Variants in XK observed in about 807,000 individuals in gnomAD.
The protein encoded by XK is X-linked Kx blood group antigen, Kell and VPS13A binding protein.
A neutral mutation model predicts 14.0 loss-of-function variants in XK; 2 were observed. The observed-to-expected ratio is 0.14, with a 90% CI of 0.06 to 0.45. The LOEUF (loss-of-function observed/expected upper bound fraction) is 0.45, where lower values mean the gene tolerates loss of function less well. XK is among the 20% of genes least tolerant of loss of function. The pLI, the probability that XK is intolerant of heterozygous loss-of-function variation, is 0.98. For synonymous variants in XK, 149 were observed against 147.5 expected (o/e 1.01, Z -0.08); for missense variants, 235 against 341.5 (o/e 0.69, Z 2.46).
chrX:37,694,254 C>G, intron 1 of XK, 32 bp from the exon 2 acceptor site: 8 of 1,209,338 alleles, frequency 6.6e-6, no homozygotes, highest in East Asian at 3.0e-5. Flanking sequence ...CTGTCTGTCT[C>G]TAATTATTAT....
intron 1 of XK, among the ~76,000 whole-genome samples, chrX:37,691,171 A>G (rs1927195165): frequency 8.9e-6 from 1 of 112,513 alleles, no homozygotes; most frequent in Non-Finnish European, 1.9e-5. Context: ...TACTTTGTCT[A>G]CAATTCTGCA....
At chrX:37,707,933 C>G (rs1253322150) in intron 2 of XK, among the ~76,000 whole-genome samples, 1 of 112,801 alleles carries the variant, frequency 8.9e-6, no homozygotes, top group South Asian at 3.6e-4. Flanking sequence ...ACTGAGTGAA[C>G]GAGACTCCGT....
intron 2 of XK, among the ~76,000 whole-genome samples, chrX:37,712,734 A>T (rs1441663417): frequency 8.9e-6 from 1 of 112,063 alleles, no homozygotes; most frequent in Non-Finnish European, 1.9e-5. Flanking sequence ...GTTCTGGCAC[A>T]TATGACCACT....
chrX:37,696,142 C>A (rs981148934), intron 2 of XK, among the ~76,000 whole-genome samples: 3 of 111,834 alleles, frequency 2.7e-5, no homozygotes, highest in African/African-American at 9.8e-5. Flanking sequence ...GGGCACTGCC[C>A]GTTTTTGTCA....
rs1388397480 is a variant in XK, at chrX:37,730,257, TAGTG to T, written c.*1798_*1801del. 1 of 112,187 alleles carries T rather than the reference TAGTG, an allele frequency of 8.9e-6. No homozygotes were observed. The highest frequency in any genetic ancestry group is 3.2e-5 in the African/African-American group (1 of 30,835). The allele number at this position is 112,187 out of a possible 1,213,427, so 9.2% of individuals were successfully genotyped here. On this transcript the variant is annotated 3_prime_UTR_variant, in exon 3 of 3. Transcript: ENST00000378616. ...TGCACTATTCTTAATAGGCCTAAAA[TAGTG>T]AGCATATATAATCAAAATAATACTT...
chrX:37,695,663 C>T (rs782263898), intron 2 of XK, among the ~76,000 whole-genome samples: 37 of 112,000 alleles, frequency 3.3e-4, no homozygotes, highest in Admixed American at 2.7e-3. Context: ...TTTTACTTCA[C>T]TCAGTTTTAT....
chrX:37,692,422 A>G (rs1213529552), intron 1 of XK, among the ~76,000 whole-genome samples: 1 of 110,914 alleles, frequency 9.0e-6, no homozygotes, highest in Non-Finnish European at 1.9e-5. Context: ...GTTTTGTTTT[A>G]GTTTGTTTTT....
chrX:37,718,027 G>A (rs1407506047), intron 2 of XK, among the ~76,000 whole-genome samples: 1 of 111,328 alleles, frequency 9.0e-6, no homozygotes, highest in African/African-American at 3.3e-5. Context: ...AACATTTATC[G>A]AGTGCCTACT....
intron 2 of XK, among the ~76,000 whole-genome samples, chrX:37,714,461 A>G (rs192063451): frequency 3.0e-4 from 33 of 111,367 alleles, no homozygotes; most frequent in African/African-American, 1.0e-3. Context: ...GAGAGTGACA[A>G]ACTAACACTA....
intron 2 of XK, among the ~76,000 whole-genome samples, chrX:37,696,606 G>T (rs782618345): frequency 3.5e-5 from 4 of 112,882 alleles, no homozygotes; most frequent in Admixed American, 2.8e-4. Context: ...ATGGAGCATG[G>T]TCTAGGGTGT....
chrX:37,688,522 G>C (rs1927142657), intron 1 of XK, among the ~76,000 whole-genome samples: 1 of 111,960 alleles, frequency 8.9e-6, no homozygotes, highest in Non-Finnish European at 1.9e-5. Context: ...CCATGACATA[G>C]ACGTAATTGT....
chrX:37,721,781 A>G (rs1375189173), intron 2 of XK, among the ~76,000 whole-genome samples: 1 of 111,881 alleles, frequency 8.9e-6, no homozygotes, highest in Non-Finnish European at 1.9e-5. Context: ...ACAATAGCCA[A>G]AAGGTAGAAA....
chrX:37,707,263 A>AC (rs1226484552), intron 2 of XK, among the ~76,000 whole-genome samples: 24 of 98,114 alleles, frequency 2.4e-4, no homozygotes, highest in Admixed American at 4.3e-4. Context: ...GCGGGGGCTG[A>AC]CCCCCCACCT....
Position 37,730,747 on chromosome X carries a change from T to TG in XK, c.*2287dup, listed in dbSNP as rs1928070844. 8.9e-6 allele frequency: 1 copy of TG among 112,314 alleles called. No homozygotes were observed. The highest frequency in any genetic ancestry group is 3.2e-5 in the African/African-American group (1 of 30,934). 9.3% of individuals were successfully genotyped at this position (112,314 alleles called of 1,213,427 possible). On this transcript the variant is annotated 3_prime_UTR_variant, in exon 3 of 3. Transcript: ENST00000378616. The stretch of plus-strand genomic sequence containing the variant: ...AGACTGGTTTTTTCCAGCCTTGGTT[T>TG]GGAAGCTTGTCTCAAAAACCATTAC...
intron 2 of XK, among the ~76,000 whole-genome samples, chrX:37,719,534 A>T (rs1179668933): frequency 9.1e-6 from 1 of 109,928 alleles, no homozygotes; most frequent in Non-Finnish European, 1.9e-5. Flanking sequence ...TTTTCTTCTG[A>T]CCTACCTTCT....
chrX:37,727,398 G>A (rs1213798557), intron 2 of XK, among the ~76,000 whole-genome samples: 1 of 111,238 alleles, frequency 9.0e-6, no homozygotes, highest in Admixed American at 9.5e-5. Flanking sequence ...CATTGAGGGC[G>A]CTCTCGGGAG....
intron 1 of XK, among the ~76,000 whole-genome samples, chrX:37,688,897 A>G (rs1927149819): frequency 1.8e-5 from 2 of 112,067 alleles, no homozygotes; most frequent in African/African-American, 6.5e-5. Context: ...TATCCTGGAA[A>G]ATATATAAAA....
At chrX:37,705,345 G>T (rs932667077) in intron 2 of XK, among the ~76,000 whole-genome samples, 3 of 110,124 alleles carry the variant, frequency 2.7e-5, no homozygotes, top group Non-Finnish European at 5.7e-5. Flanking sequence ...CCAGCTACTT[G>T]GGAGGCTGAG....
At chrX:37,688,067 T>TTTC (rs1927127933) in intron 1 of XK, among the ~76,000 whole-genome samples, 1 of 89,272 alleles carries the variant, frequency 1.1e-5, no homozygotes, top group Non-Finnish European at 2.3e-5. Context: ...TTCTTTTTTT[T>TTTC]TTTTTTTTTT....
Sources: allele counts gnomAD v4.1 joint callset (sites outside exome capture counted in the v4.1 genomes callset), GRCh38; gene constraint gnomAD v4.1.1; transcripts MANE v1.5; gene names NCBI Gene and HGNC (gene_info 2026-07-23, HGNC 2026-07-21).